CELF4: variants seen among roughly 807,000 people sequenced by gnomAD.
CELF4 encodes the protein CUGBP Elav-like family member 4, also known as CUG-BP- and ETR-3-like factor 4.
A neutral mutation model predicts 59.9 loss-of-function variants in CELF4; 18 were observed. The observed-to-expected ratio is 0.30, with a 90% CI of 0.21 to 0.45. The LOEUF is 0.45. Ranked by LOEUF, CELF4 falls within the 20% of genes least tolerant of loss-of-function variation. The pLI is 1.00. For synonymous variants in CELF4, 261 were observed against 267.1 expected (o/e 0.98, Z 0.22); for missense variants, 456 against 689.0 (o/e 0.66, Z 3.79).
At chr18:37,554,825 TAAGA>T (rs990630167) in intron 1 of CELF4, among the ~76,000 whole-genome samples, 2 of 152,110 alleles carry the variant, frequency 1.3e-5, no homozygotes, top group African/African-American at 4.8e-5. Flanking sequence ...AGGGTTCTTA[TAAGA>T]AAGAGAGTGA....
intron 2 of CELF4, among the ~76,000 whole-genome samples, chr18:37,370,297 C>T (rs757868055): frequency 2.0e-5 from 3 of 152,166 alleles, no homozygotes; most frequent in South Asian, 2.1e-4. Context: ...CCCAGGCTTA[C>T]GTTACTCATA....
intron 2 of CELF4, among the ~76,000 whole-genome samples, chr18:37,339,887 G>A (rs917604607): frequency 2.6e-5 from 4 of 152,120 alleles, no homozygotes; most frequent in Admixed American, 6.5e-5. Context: ...GAGGGTAGGC[G>A]CTGAACTTCC....
intron 1 of CELF4, among the ~76,000 whole-genome samples, chr18:37,510,269 T>C (rs1483499191): frequency 6.6e-6 from 1 of 152,222 alleles, no homozygotes; most frequent in Non-Finnish European, 1.5e-5. Context: ...GAATCCTCAG[T>C]GCACAGTTCC....
At chr18:37,251,624 C>A (rs1021418172) in intron 12 of CELF4, among the ~76,000 whole-genome samples, 1 of 152,146 alleles carries the variant, frequency 6.6e-6, no homozygotes. Context: ...AGGACAAGCA[C>A]CCTAACCCAG....
chr18:37,373,567 C>T (rs1161834841), intron 2 of CELF4, among the ~76,000 whole-genome samples: 1 of 152,174 alleles, frequency 6.6e-6, no homozygotes, highest in African/African-American at 2.4e-5. Flanking sequence ...GATCTTCACC[C>T]CAGTCATGTG....
chr18:37,549,140 T>C (rs2099982360), intron 1 of CELF4, among the ~76,000 whole-genome samples: 1 of 152,222 alleles, frequency 6.6e-6, no homozygotes, highest in Admixed American at 6.5e-5. Context: ...CTGTTGTGGG[T>C]GCCCAAAGCC....
At position 37,273,098 on chromosome 18, in the gene CELF4, A is replaced by T. The variant is rs1457189056; in HGVS notation, c.867T>A (p.Ala289=). The change falls in exon 7 of 13, where the codon GCT becomes GCA. Residue 289 remains alanine, a synonymous_variant. Transcript: ENST00000420428. ...VAQGGYLNPM[A]AFAAAQMQQM... Reference sequence around the variant, plus strand: ...GCTGCATCTGGGCGGCAGCGAAGGCAGCCATGGGGTTCAGGTAGCCGCCCT... The same window carrying T: ...GCTGCATCTGGGCGGCAGCGAAGGCTGCCATGGGGTTCAGGTAGCCGCCCT... 1.2e-6 allele frequency: 2 copies of T among 1,613,464 alleles called. No individual in the cohort carries two copies. The highest frequency in any genetic ancestry group is 4.5e-5 in the East Asian group (2 of 44,872).
At chr18:37,502,800 C>T (rs911028647) in intron 1 of CELF4, among the ~76,000 whole-genome samples, 2 of 152,170 alleles carry the variant, frequency 1.3e-5, no homozygotes, top group Non-Finnish European at 2.9e-5. Context: ...GCCAAGGCCT[C>T]GGTAACATCT....
At chr18:37,361,450 C>T (rs1256054832) in intron 2 of CELF4, among the ~76,000 whole-genome samples, 1 of 152,132 alleles carries the variant, frequency 6.6e-6, no homozygotes, top group East Asian at 1.9e-4. Context: ...CTGGGGTAAC[C>T]GCATGCAGCT....
chr18:37,528,886 G>C (rs1181315349), intron 1 of CELF4: 1 of 152,032 alleles, frequency 6.6e-6, no homozygotes, highest in Non-Finnish European at 1.5e-5. Flanking sequence ...ATCCTTTTTT[G>C]CTGTTATTCT....
intron 2 of CELF4, among the ~76,000 whole-genome samples, chr18:37,421,887 A>C (rs1427718983): frequency 6.6e-6 from 1 of 152,244 alleles, no homozygotes; most frequent in East Asian, 1.9e-4. Context: ...TCTCCTCGGA[A>C]GGCAATCCTC....
intron 1 of CELF4, among the ~76,000 whole-genome samples, chr18:37,512,377 TTCC>T (rs1028798776): frequency 1.3e-5 from 2 of 152,074 alleles, no homozygotes; most frequent in African/African-American, 2.4e-5. Context: ...ATTGTCTTCT[TTCC>T]TCCTCCTCTT....
rs143504421 is a variant in CELF4 at position 37,462,720 on chromosome 18, A to T, written c.369+22805T>A. 4.2e-3 allele frequency among the ~76,000 whole-genome samples: 640 copies of T among 152,220 alleles called. 3 individuals carry two copies. Among genetic ancestry groups the T allele is most frequent in the Middle Eastern group, 0.021 (6 of 290 alleles). On this transcript the variant is annotated intron_variant, in intron 2 of 12. Coordinates refer to ENST00000420428, the MANE Select transcript of CELF4 (RefSeq NM_020180.4). Reference sequence around the variant, plus strand: ...GGGCAGTGTGCATGATAGATAGACAAGATTTGACTTATTCAAACTTGTCCA... The same window carrying T: ...GGGCAGTGTGCATGATAGATAGACATGATTTGACTTATTCAAACTTGTCCA...
chr18:37,562,112 A>G (rs1353217137), intron 1 of CELF4, among the ~76,000 whole-genome samples: 1 of 151,938 alleles, frequency 6.6e-6, no homozygotes, highest in Non-Finnish European at 1.5e-5. Flanking sequence ...CCAGTCCACA[A>G]CTGCTCTTTG....
intron 2 of CELF4, among the ~76,000 whole-genome samples, chr18:37,330,704 C>T (rs1366385096): frequency 6.6e-6 from 1 of 152,172 alleles, no homozygotes; most frequent in Non-Finnish European, 1.5e-5. Context: ...ACTGAATCCT[C>T]CATCACACCC....
intron 2 of CELF4, among the ~76,000 whole-genome samples, chr18:37,353,524 T>C (rs970922397): frequency 6.7e-6 from 1 of 149,152 alleles, no homozygotes; most frequent in Non-Finnish European, 1.5e-5. Context: ...CAATAGGGCA[T>C]GGGGGAAGAA....
In CELF4 at chr18:37,244,649, T is replaced by C. The variant is rs1272822800; in HGVS notation, c.*593A>G. 1 of 152,428 alleles carries C rather than the reference T, an allele frequency of 6.6e-6. No individual in the cohort carries two copies. The highest frequency in any genetic ancestry group is 1.5e-5 in the Non-Finnish European group (1 of 67,982). The allele number at this position is 152,428 out of a possible 1,614,324, so 9.4% of individuals were successfully genotyped here. On this transcript the variant is annotated 3_prime_UTR_variant, in exon 13 of 13. Coordinates refer to ENST00000420428, the MANE Select transcript of CELF4 (RefSeq NM_020180.4). ...CTCTAAGCTGTTTCAAGAACAGCCA[T>C]GAGGCAGGAAGGAGGGGGTCCTCCA...
intron 2 of CELF4, among the ~76,000 whole-genome samples, chr18:37,400,558 T>C (rs891021729): frequency 6.6e-6 from 1 of 152,210 alleles, no homozygotes; most frequent in Non-Finnish European, 1.5e-5. Context: ...TCATTGGTAG[T>C]TAGGTCCATC....
chr18:37,358,102 T>A (rs2098632319), intron 2 of CELF4, among the ~76,000 whole-genome samples: 1 of 152,042 alleles, frequency 6.6e-6, no homozygotes, highest in Admixed American at 6.6e-5. Flanking sequence ...GGTTTTGAAA[T>A]GTGAGGACCT....
Sources: allele counts gnomAD v4.1 joint callset (sites outside exome capture counted in the v4.1 genomes callset), GRCh38; gene constraint gnomAD v4.1.1; transcripts MANE v1.5; gene names NCBI Gene and HGNC (gene_info 2026-07-23, HGNC 2026-07-21).